Variants in NUP214 observed in about 807,000 individuals in gnomAD.
The protein encoded by NUP214 is nucleoporin 214, also known as nuclear pore complex protein Nup214.
In NUP214, 79 loss-of-function variants were observed where a neutral mutation model predicts 196.2. That is an observed-to-expected ratio of 0.40 (90% CI 0.34 to 0.49). The LOEUF (loss-of-function observed/expected upper bound fraction) is 0.49. Among genes scored for constraint, NUP214 ranks in the 20% least tolerant of loss-of-function variants. The probability of loss-of-function intolerance (pLI) is 0.58; values close to 1 mark genes in which losing one functional copy is unlikely to be tolerated. For missense variants in NUP214, 2,468 were observed against 2,539.0 expected (o/e 0.97, Z 0.60); for synonymous variants, 1,020 against 990.5 (o/e 1.03, Z -0.56).
chr9:131,191,664 A>G (rs1252712182), intron 26 of NUP214: 2 of 152,230 alleles, frequency 1.3e-5, no homozygotes, highest in Non-Finnish European at 2.9e-5. Flanking sequence ...TATTTGTTAA[A>G]TGCCAACAAA....
At position 131,163,890 on chromosome 9, in the gene NUP214, G is replaced by A; in HGVS notation, c.2744G>A (p.Ser915Asn). The part of the protein sequence containing the change: ...SIHSFDSDLE[S>N]LCNALLKTTI... ...TTCAGTTTTGACAGTGACCTGGAAA[G>A]CCTGTGCAATGCTTTGTTGAAAACC... Residue 915 changes from serine to asparagine, a missense_variant, in exon 20 of 36, where the codon AGC becomes AAC. Around this residue, in one of 5 missense-constraint regions of NUP214, gnomAD observed 1,801 missense variants for 1,779.4 expected, o/e 1.01. Coordinates refer to ENST00000359428, the MANE Select transcript of NUP214 (RefSeq NM_005085.4). The A allele has an allele frequency of 6.2e-7, 1 of 1,614,142 alleles. No homozygotes were observed. Among genetic ancestry groups the A allele is most frequent in the Admixed American group, 1.7e-5 (1 of 60,018 alleles).
chr9:131,196,382 C>T (rs751687598), intron 28 of NUP214, among the ~76,000 whole-genome samples: 12 of 152,152 alleles, frequency 7.9e-5, no homozygotes, highest in Non-Finnish European at 1.8e-4. Flanking sequence ...AGGCTGGTCT[C>T]GAACTCCTGA....
intron 23 of NUP214, 27 bp from the exon 24 acceptor site, chr9:131,178,284 G>A: frequency 6.5e-7 from 1 of 1,538,966 alleles, no homozygotes; most frequent in Non-Finnish European, 9.0e-7. Context: ...AATTAATATG[G>A]TGTTCTCTCT....
intron 6 of NUP214, 61 bp from the exon 7 acceptor site, chr9:131,133,045 C>T (rs938936455): frequency 1.6e-6 from 2 of 1,288,208 alleles, no homozygotes; most frequent in African/African-American, 3.0e-5. Flanking sequence ...ACATAAGCTG[C>T]TTTTTCTTGT....
At chr9:131,170,806 T>C (rs1255893708) in intron 21 of NUP214, among the ~76,000 whole-genome samples, 2 of 150,762 alleles carry the variant, frequency 1.3e-5, no homozygotes, top group Non-Finnish European at 3.0e-5. Context: ...TTATTATCAT[T>C]ATTATTATTA....
chr9:131,234,323 C>T lies in NUP214; in HGVS notation c.*836C>T, dbSNP rs533478390. ...TAGACCCAGGAAGTGTGAAGACAGA[C>T]ACTGCTGTTGCCAGACAACACTAGC... On this transcript the variant is annotated 3_prime_UTR_variant, in exon 36 of 36. Transcript: ENST00000359428. 63 of 232,870 alleles carry T rather than the reference C, an allele frequency of 2.7e-4. No homozygotes were observed. Among genetic ancestry groups the T allele is most frequent in the Non-Finnish European group, 4.8e-4 (57 of 117,858 alleles). The allele number at this position is 232,870 out of a possible 1,614,324, so 14.4% of individuals were successfully genotyped here. A position where few individuals can be genotyped will look rare whatever the true frequency, so the allele number is the denominator to read the frequency against.
At chr9:131,229,549 T>C in intron 33 of NUP214, 2 of 375,402 alleles carry the variant, frequency 5.3e-6, no homozygotes, top group South Asian at 4.0e-5. Flanking sequence ...AAAAGTATAT[T>C]CTGCCTTGGG....
intron 14 of NUP214, among the ~76,000 whole-genome samples, chr9:131,149,797 C>T (rs1832201526): frequency 6.6e-6 from 1 of 152,132 alleles, no homozygotes; most frequent in Non-Finnish European, 1.5e-5. Flanking sequence ...TCTACCCCTG[C>T]CCTCTACAAC....
chr9:131,144,346 C>T lies in NUP214; in HGVS notation c.1361C>T (p.Ala454Val), dbSNP rs1317041757. Residue 454 changes from alanine to valine, a missense_variant, in exon 12 of 36, where the codon GCC becomes GTC. Physicochemically the swap from Ala to Val is moderately conservative, Grantham distance 64. Around this residue, in one of 5 missense-constraint regions of NUP214, gnomAD observed 1,801 missense variants for 1,779.4 expected, o/e 1.01. Coordinates refer to ENST00000359428, the MANE Select transcript of NUP214 (RefSeq NM_005085.4). ...PQKLDASAAA[A>V]PASLPPSSPA... is the part of the protein sequence containing the mutation. ...AAACTGGATGCTTCTGCAGCTGCAG[C>T]CCCTGCCTCTCTGCCACCTTCATCA... 6.2e-7 allele frequency: 1 copy of T among 1,614,168 alleles called. No individual in the cohort carries two copies. The highest frequency in any genetic ancestry group is 8.5e-7 in the Non-Finnish European group (1 of 1,180,028).
At chr9:131,140,482 C>T in intron 10 of NUP214, 67 bp from the exon 11 acceptor site, 1 of 1,428,780 alleles carries the variant, frequency 7.0e-7, no homozygotes, top group Non-Finnish European at 9.5e-7. Context: ...TGAGGGCAGT[C>T]TTTGCCTTCT....
intron 34 of NUP214, 111 bp downstream of exon 34, chr9:131,230,880 G>A: frequency 5.5e-6 from 7 of 1,279,478 alleles, no homozygotes; most frequent in Non-Finnish European, 7.5e-6. Context: ...TTTAAAAGCT[G>A]ACTGGGCACG....
At chr9:131,138,069 AG>A (rs1382640408) in intron 9 of NUP214, among the ~76,000 whole-genome samples, 3 of 152,100 alleles carry the variant, frequency 2.0e-5, no homozygotes, top group African/African-American at 7.2e-5. Flanking sequence ...TCCATAGCTA[AG>A]TCACATAGTG....
intron 31 of NUP214, among the ~76,000 whole-genome samples, chr9:131,217,861 C>T (rs1263279369): frequency 6.6e-6 from 1 of 152,234 alleles, no homozygotes; most frequent in African/African-American, 2.4e-5. Context: ...TGGCTGGCTG[C>T]AGCTGGTTTG....
At position 131,197,375 on chromosome 9, in the gene NUP214, G is replaced by A; in HGVS notation, c.3881G>A (p.Arg1294Lys). The change falls in exon 29 of 36, where the codon AGA becomes AAA. Residue 1294 changes from arginine to lysine, a missense_variant. Coordinates refer to ENST00000359428, the MANE Select transcript of NUP214 (RefSeq NM_005085.4). ...GGAGAACCTGCCGCATCTAGCAGCA[G>A]ACCTGTGGCACCTTCTGGAACTGCT... is the stretch of plus-strand genomic sequence containing the variant. Reference protein sequence around the residue: ...TPGEPAASSSRPVAPSGTALS... With the variant: ...TPGEPAASSSKPVAPSGTALS... The A allele has an allele frequency of 6.2e-7, 1 of 1,614,178 alleles. No homozygotes were observed. The highest frequency in any genetic ancestry group is 8.5e-7 in the Non-Finnish European group (1 of 1,180,038).
Position 131,187,338 on chromosome 9 carries a change from C to G in NUP214, c.3469C>G (p.Pro1157Ala). 1 of 1,613,588 alleles carries G rather than the reference C, an allele frequency of 6.2e-7. No homozygotes were observed. Among genetic ancestry groups the G allele is most frequent in the South Asian group, 1.1e-5 (1 of 91,062 alleles). Residue 1157 changes from proline to alanine, a missense_variant, in exon 25 of 36, where the codon CCA becomes GCA. Physicochemically the swap from Pro to Ala is conservative, Grantham distance 27 (BLOSUM62 -1). Transcript: ENST00000359428. ...TAKTPHPVLT[P>A]VAANQAKQGS... ...CAAAACACCTCACCCAGTGTTGACC[C>G]CAGTGGCTGCTAACCAAGCCAAGCA...
intron 26 of NUP214, chr9:131,190,450 C>T (rs974486171): frequency 2.3e-5 from 16 of 692,550 alleles, no homozygotes; most frequent in African/African-American, 1.4e-4. Flanking sequence ...TCTTTTGTTA[C>T]GAGGTGTTCA....
At chr9:131,189,153 C>T in intron 26 of NUP214, 22 bp downstream of exon 26, 1 of 1,602,714 alleles carries the variant, frequency 6.2e-7, no homozygotes, top group South Asian at 1.1e-5. Flanking sequence ...TTTTTGTTTT[C>T]TTGAAAAGTG....
At chr9:131,219,650 C>T (rs1834502533) in intron 31 of NUP214, among the ~76,000 whole-genome samples, 1 of 152,156 alleles carries the variant, frequency 6.6e-6, no homozygotes, top group African/African-American at 2.4e-5. Context: ...GGATTGTTAC[C>T]CATAAGGACC....
chr9:131,217,577 A>T (rs894228366), intron 31 of NUP214, among the ~76,000 whole-genome samples: 4 of 152,226 alleles, frequency 2.6e-5, no homozygotes, highest in Non-Finnish European at 5.9e-5. Flanking sequence ...CAAGCCCAGA[A>T]TTCTGAGGTC....
Sources: allele counts gnomAD v4.1 joint callset (sites outside exome capture counted in the v4.1 genomes callset), GRCh38; gene constraint gnomAD v4.1.1; regional missense constraint gnomAD v4.1.1; transcripts MANE v1.5; gene names NCBI Gene and HGNC (gene_info 2026-07-23, HGNC 2026-07-21).